Variants in HTR4 observed in about 807,000 individuals in gnomAD.
HTR4 encodes 5-hydroxytryptamine (serotonin) receptor 4, G protein-coupled.
A neutral mutation model predicts 36.8 loss-of-function variants in HTR4; 16 were observed. The observed-to-expected ratio is 0.43, with a 90% CI of 0.29 to 0.66. HTR4 has a LOEUF of 0.66. Ranked by LOEUF, HTR4 falls within the 30% of genes least tolerant of loss-of-function variation. The pLI is 0.13. For synonymous variants in HTR4, 189 were observed against 185.1 expected (o/e 1.02, Z -0.17); for missense variants, 438 against 490.9 (o/e 0.89, Z 1.02).
At chr5:148,612,247 A>G (rs943188230) in intron 2 of HTR4, among the ~76,000 whole-genome samples, 22 of 151,622 alleles carry the variant, frequency 1.5e-4, no homozygotes, top group Admixed American at 6.6e-5. Flanking sequence ...ACCACACCAC[A>G]CCTATTCCAA....
At chr5:148,536,705 T>C (rs1416483948) in intron 4 of HTR4, among the ~76,000 whole-genome samples, 8 of 152,176 alleles carry the variant, frequency 5.3e-5, no homozygotes, top group Non-Finnish European at 1.2e-4. Context: ...TAAATATATA[T>C]GCACTCAACA....
chr5:148,495,923 A>G (rs989722976), intron 6 of HTR4, among the ~76,000 whole-genome samples: 1 of 152,028 alleles, frequency 6.6e-6, no homozygotes. Flanking sequence ...CAACATGGGG[A>G]AACCCTGTCT....
At chr5:148,571,251 C>T (rs914633654) in intron 2 of HTR4, among the ~76,000 whole-genome samples, 1 of 152,124 alleles carries the variant, frequency 6.6e-6, no homozygotes. Context: ...GAAGGGTATG[C>T]TTTCATTTGG....
intron 2 of HTR4, among the ~76,000 whole-genome samples, chr5:148,551,407 T>C (rs1759681355): frequency 2.0e-5 from 3 of 152,210 alleles, no homozygotes; most frequent in Admixed American, 1.3e-4. Context: ...CAATATGTCA[T>C]TGTTTTCCCA....
downstream of HTR4, among the ~76,000 whole-genome samples, chr5:148,472,683 T>C (rs576289674): frequency 6.6e-6 from 1 of 152,286 alleles, no homozygotes; most frequent in Admixed American, 6.5e-5. Flanking sequence ...GTCAATGAAC[T>C]TGGCCTTGGT....
At chr5:148,475,038 CCTT>C (rs1297249509), downstream of HTR4, among the ~76,000 whole-genome samples, 1 of 129,466 alleles carries the variant, frequency 7.7e-6, no homozygotes, top group South Asian at 2.7e-4. Context: ...GAGTGAGACT[CCTT>C]CTCCAAAAAA....
chr5:148,463,183 T>C (rs930744343), intron 5 of HTR4, among the ~76,000 whole-genome samples: 6 of 135,930 alleles, frequency 4.4e-5, no homozygotes, highest in African/African-American at 1.4e-4. Context: ...TTTTTTTTTT[T>C]TTTTTTTGAG....
chr5:148,474,700 C>G (rs1755653710), downstream of HTR4, among the ~76,000 whole-genome samples: 1 of 152,160 alleles, frequency 6.6e-6, no homozygotes, highest in Non-Finnish European at 1.5e-5. Context: ...CTGTCTCTCA[C>G]CTTCTAGGCA....
intron 5 of HTR4, among the ~76,000 whole-genome samples, chr5:148,468,818 G>T (rs1233589698): frequency 6.6e-6 from 1 of 152,084 alleles, no homozygotes; most frequent in African/African-American, 2.4e-5. Flanking sequence ...GAAGGTAATT[G>T]AATCATAGAA....
At chr5:148,479,288 GGT>G (rs1755801062), downstream of HTR4, among the ~76,000 whole-genome samples, 1 of 151,980 alleles carries the variant, frequency 6.6e-6, no homozygotes, top group South Asian at 2.1e-4. Context: ...AGAGGAACCT[GGT>G]ACTGGAGTCA....
chr5:148,512,350 A>C (rs1349565498), intron 5 of HTR4, among the ~76,000 whole-genome samples: 1 of 152,212 alleles, frequency 6.6e-6, no homozygotes, highest in Non-Finnish European at 1.5e-5. Context: ...CTGAGAACTA[A>C]TAATGTTAAT....
chr5:148,509,237 G>A, intron 6 of HTR4: 1 of 501,738 alleles, frequency 2.0e-6, no homozygotes, highest in African/African-American at 1.9e-5. Flanking sequence ...CAAGGTCACA[G>A]AACTATGGGG....
At chr5:148,540,527 G>A (rs190819412) in intron 4 of HTR4, among the ~76,000 whole-genome samples, 5 of 147,938 alleles carry the variant, frequency 3.4e-5, no homozygotes, top group African/African-American at 1.2e-4. Context: ...GCATCCAGCT[G>A]ATCATGGGAG....
chr5:148,626,184 A>G (rs1753097091), intron 2 of HTR4, among the ~76,000 whole-genome samples: 1 of 152,056 alleles, frequency 6.6e-6, no homozygotes, highest in Non-Finnish European at 1.5e-5. Context: ...ATCAGACACA[A>G]TTTTTCTGAT....
At chr5:148,630,426 A>T (rs1753281741) in intron 2 of HTR4, 1 of 152,160 alleles carries the variant, frequency 6.6e-6, no homozygotes, top group Non-Finnish European at 1.5e-5. Context: ...GAAAAGAGAA[A>T]ATGGTGCTAA....
At position 148,550,236 on chromosome 5, in the gene HTR4, T is replaced by C. The variant is rs1226630911; in HGVS notation, c.53A>G (p.Glu18Gly). 1 of 1,613,984 alleles carries C rather than the reference T, an allele frequency of 6.2e-7. No individual in the cohort carries two copies. The highest frequency in any genetic ancestry group is 1.1e-5 in the South Asian group (1 of 91,064). The change falls in exon 3 of 7, where the codon GAG becomes GGG. Residue 18 changes from glutamate to glycine, a missense_variant. Glu to Gly is a moderately conservative substitution (Grantham distance 98). Transcript: ENST00000377888. ...GAGAAACGTGAGCAGCACCACCTTC[T>C]CCACTGACCCGAAACCCTCCTCAGA... The part of the protein sequence containing the change: ...VSSEEGFGSV[E>G]KVVLLTFLST...
chr5:148,466,240 C>T (rs1003364676), intron 5 of HTR4, among the ~76,000 whole-genome samples: 3 of 152,156 alleles, frequency 2.0e-5, no homozygotes, highest in East Asian at 3.9e-4. Context: ...CCTCTTCTTC[C>T]CTCCTGTAGC....
At chr5:148,651,414 A>G (rs1375561467) in intron 1 of HTR4, among the ~76,000 whole-genome samples, 2 of 152,192 alleles carry the variant, frequency 1.3e-5, no homozygotes, top group Non-Finnish European at 2.9e-5. Flanking sequence ...TTGCTGTACA[A>G]GGTTACAGGA....
At chr5:148,525,097 C>T (rs567291841) in intron 4 of HTR4, among the ~76,000 whole-genome samples, 3 of 151,964 alleles carry the variant, frequency 2.0e-5, no homozygotes, top group African/African-American at 4.8e-5. Context: ...TGTCTTGCTC[C>T]GAAAAACCAT....
Sources: allele counts gnomAD v4.1 joint callset (sites outside exome capture counted in the v4.1 genomes callset), GRCh38; gene constraint gnomAD v4.1.1; transcripts MANE v1.5; gene names NCBI Gene and HGNC (gene_info 2026-07-23, HGNC 2026-07-21).